Variants in ATP8B1 observed in about 807,000 individuals in gnomAD.
The protein encoded by ATP8B1 is phospholipid-transporting ATPase IC.
ATP8B1 carries 80 observed loss-of-function variants against 149.9 expected under a neutral mutation model. The ratio of observed to expected loss-of-function variants is 0.53; its 90% CI spans 0.45 to 0.64. The LOEUF (loss-of-function observed/expected upper bound fraction) is 0.64, where lower values mean the gene tolerates loss of function less well. Ranked by LOEUF, ATP8B1 falls within the 30% of genes least tolerant of loss-of-function variation. The pLI, the probability that ATP8B1 is intolerant of heterozygous loss-of-function variation, is 0.00. For missense variants in ATP8B1, 1,247 were observed against 1,552.6 expected (o/e 0.80, Z 3.31); for synonymous variants, 536 against 562.8 (o/e 0.95, Z 0.67).
chr18:57,706,671 G>T, intron 2 of ATP8B1, 84 bp from the exon 3 acceptor site: 1 of 1,106,508 alleles, frequency 9.0e-7, no homozygotes, highest in Non-Finnish European at 1.3e-6. Context: ...AGATTCAAAT[G>T]TTGAAGTCCT....
chr18:57,765,865 A>C (rs558093547), intron 1 of ATP8B1, among the ~76,000 whole-genome samples: 99 of 151,208 alleles, frequency 6.5e-4, no homozygotes, highest in Non-Finnish European at 1.2e-3. Context: ...TCAGCTACTC[A>C]GGAGGCTGAG....
At chr18:57,765,084 A>G (rs1729442427) in intron 1 of ATP8B1, among the ~76,000 whole-genome samples, 1 of 152,260 alleles carries the variant, frequency 6.6e-6, no homozygotes, top group South Asian at 2.1e-4. Flanking sequence ...TGGTATAGAG[A>G]CAAGGAACTA....
In ATP8B1 at chr18:57,759,155, C is replaced by CAAAAAAAAAAAAA. The variant is rs566728161; in HGVS notation, c.-25-27336_-25-27324dup. ...TGGGCGACAGAACGAGATTCCATCT[C>CAAAAAAAAAAAAA]AAAAAAAAAAAAAAAAAAAAAAAAA... On this transcript the variant is annotated intron_variant, in intron 1 of 27. Transcript: ENST00000648908. Among the ~76,000 whole-genome samples, 82 of 106,284 alleles carry CAAAAAAAAAAAAA rather than the reference C, an allele frequency of 7.7e-4. 1 individual carries two copies. Among genetic ancestry groups the CAAAAAAAAAAAAA allele is most frequent in the African/African-American group, 2.5e-3 (67 of 26,878 alleles). The allele number at this position is 106,284 out of a possible 152,430, so 69.7% of individuals were successfully genotyped here.
chr18:57,749,992 C>G (rs1448405499), intron 1 of ATP8B1, among the ~76,000 whole-genome samples: 1 of 152,172 alleles, frequency 6.6e-6, no homozygotes, highest in African/African-American at 2.4e-5. Flanking sequence ...CCTGTAATCC[C>G]AGCACTTTGG....
At chr18:57,723,965 C>T (rs319419) in intron 2 of ATP8B1, among the ~76,000 whole-genome samples, 144,491 of 144,754 alleles carry the variant, frequency 1, 72,127 homozygotes, top group Middle Eastern at 1. Context: ...AACTATCTGA[C>T]CTTTGACAAA....
chr18:57,783,595 G>T (rs1384040910), intron 1 of ATP8B1, among the ~76,000 whole-genome samples: 1 of 152,118 alleles, frequency 6.6e-6, no homozygotes, highest in Non-Finnish European at 1.5e-5. Flanking sequence ...CAGCAATTTG[G>T]GAGGCCAAGG....
intron 1 of ATP8B1, among the ~76,000 whole-genome samples, chr18:57,732,775 A>G (rs2079800472): frequency 6.6e-6 from 1 of 151,716 alleles, no homozygotes; most frequent in South Asian, 2.1e-4. Context: ...GTTAGCCAGG[A>G]TGGTCTCGAA....
chr18:57,766,427 A>G (rs2123353848), intron 1 of ATP8B1, among the ~76,000 whole-genome samples: 1 of 152,296 alleles, frequency 6.6e-6, no homozygotes. Context: ...TTGCCAAAAG[A>G]ATAACTGGAA....
At chr18:57,649,532 A>C (rs1909461200) in intron 27 of ATP8B1, among the ~76,000 whole-genome samples, 1 of 152,116 alleles carries the variant, frequency 6.6e-6, no homozygotes, top group Non-Finnish European at 1.5e-5. Flanking sequence ...GGGATACTGA[A>C]GGTTGCCTCA....
chr18:57,729,545 CTTTCTTTTT>C (rs1212332505), intron 2 of ATP8B1, among the ~76,000 whole-genome samples: 3 of 48,046 alleles, frequency 6.2e-5, no homozygotes, highest in East Asian at 8.7e-4. Context: ...CATTTTCTTT[CTTTCTTTTT>C]TTTTTTTTTT....
chr18:57,706,630 A>T, intron 2 of ATP8B1, 43 bp from the exon 3 acceptor site: 1 of 1,464,036 alleles, frequency 6.8e-7, no homozygotes, highest in South Asian at 1.2e-5. Flanking sequence ...GCAAATTAAC[A>T]TGTTGTTATG....
chr18:57,707,894 T>C (rs2938366), intron 2 of ATP8B1, among the ~76,000 whole-genome samples: 76,250 of 151,094 alleles, frequency 0.5, 20,071 homozygotes, highest in African/African-American at 0.56. Context: ...TGGTGGCTCA[T>C]GCCTGTAATC....
intron 1 of ATP8B1, among the ~76,000 whole-genome samples, chr18:57,779,769 G>C (rs1404187152): frequency 6.6e-6 from 1 of 151,864 alleles, no homozygotes. Context: ...GCGTGGTGGC[G>C]GGTGCCTGTA....
At chr18:57,796,794 C>T (rs1246211183) in intron 1 of ATP8B1, among the ~76,000 whole-genome samples, 1 of 152,212 alleles carries the variant, frequency 6.6e-6, no homozygotes, top group East Asian at 1.9e-4. Context: ...TCAAGCGATT[C>T]TCCTGCCTCA....
At chr18:57,678,519 A>G (rs1197455967) in intron 15 of ATP8B1, among the ~76,000 whole-genome samples, 1 of 149,710 alleles carries the variant, frequency 6.7e-6, no homozygotes, top group Non-Finnish European at 1.5e-5. Flanking sequence ...CCCGGGAGGC[A>G]GAGGTTGCAG....
At chr18:57,731,502 A>G (rs879178115) in intron 2 of ATP8B1, 125 bp downstream of exon 2, 3 of 1,119,018 alleles carry the variant, frequency 2.7e-6, no homozygotes, top group East Asian at 2.6e-5. Flanking sequence ...GTCGCATCCT[A>G]AGAAGAGATC....
intron 1 of ATP8B1, among the ~76,000 whole-genome samples, chr18:57,765,660 C>T (rs998655053): frequency 6.8e-6 from 1 of 147,788 alleles, no homozygotes; most frequent in Non-Finnish European, 1.5e-5. Flanking sequence ...CAGAGTGAGA[C>T]TCTGTCTCAA....
intron 24 of ATP8B1, among the ~76,000 whole-genome samples, chr18:57,653,223 G>GTAAATTAT (rs1478358759): frequency 6.7e-6 from 1 of 149,932 alleles, no homozygotes; most frequent in Non-Finnish European, 1.5e-5. Context: ...TTTAAAATGA[G>GTAAATTAT]TAAATTATTA....
At chr18:57,706,346 C>T in intron 3 of ATP8B1, 144 bp downstream of exon 3, 1 of 689,714 alleles carries the variant, frequency 1.4e-6, no homozygotes, top group Non-Finnish European at 2.5e-6. Context: ...ATAAAAATGA[C>T]ATTCTATAGA....
Sources: gnomAD v4.1 joint callset for allele counts (sites outside exome capture counted in the v4.1 genomes callset) on GRCh38, gnomAD v4.1.1 for gene constraint, MANE v1.5 for transcripts, NCBI Gene and HGNC (gene_info 2026-07-23, HGNC 2026-07-21) for gene names.